The following SLC39A14 variants were observed in gnomAD, a reference collection of about 807,000 sequenced individuals.
SLC39A14 encodes solute carrier family 39 member 14, also known as metal cation symporter ZIP14.
A neutral mutation model predicts 45.5 loss-of-function variants in SLC39A14; 19 were observed. That is an observed-to-expected ratio of 0.42 (90% CI 0.29 to 0.61). The LOEUF (loss-of-function observed/expected upper bound fraction) is 0.61, where lower values mean the gene tolerates loss of function less well. SLC39A14 is among the 20% of genes least tolerant of loss of function. SLC39A14 has a pLI of 0.22. For missense variants in SLC39A14, 447 were observed against 616.5 expected (o/e 0.73, Z 2.91); for synonymous variants, 264 against 251.3 (o/e 1.05, Z -0.48).
At chr8:22,419,492 C>T in intron 8 of SLC39A14, 60 bp from the exon 9 acceptor site, 1 of 1,519,666 alleles carries the variant, frequency 6.6e-7, no homozygotes, top group Non-Finnish European at 9.0e-7. Context: ...CACTGAATTG[C>T]CCTGGACTTA....
intron 5 of SLC39A14, 117 bp downstream of exon 5, chr8:22,415,019 A>G: frequency 8.0e-7 from 1 of 1,249,710 alleles, no homozygotes; most frequent in Non-Finnish European, 1.1e-6. Flanking sequence ...AATTTCCGTG[A>G]AACTCTAATT....
At chr8:22,380,464 G>T (rs1833445706) in intron 1 of SLC39A14, among the ~76,000 whole-genome samples, 1 of 152,168 alleles carries the variant, frequency 6.6e-6, no homozygotes, top group Non-Finnish European at 1.5e-5. Flanking sequence ...GCCCGAGGTG[G>T]CCTGGACCTC....
At chr8:22,392,033 A>T (rs1360321568) in intron 1 of SLC39A14, among the ~76,000 whole-genome samples, 1 of 152,212 alleles carries the variant, frequency 6.6e-6, no homozygotes, top group African/African-American at 2.4e-5. Flanking sequence ...GGAGGGAAGG[A>T]TGCATTTCAG....
chr8:22,433,912 C>T lies in SLC39A14; in HGVS notation c.1354C>T (p.Gln452Ter), dbSNP rs1018600782. The T allele has an allele frequency of 4.9e-6, 2 of 406,726 alleles. No individual in the cohort carries two copies. The highest frequency in any genetic ancestry group is 4.9e-6 in the Non-Finnish European group (1 of 205,878). The allele number at this position is 406,726 out of a possible 1,614,324, so 25.2% of individuals were successfully genotyped here. ...TTAGATGGAGTTTTGCTCTGTTGCCCAGGCTGGAGTGCAATGGTGCCATCT... is the reference window on the plus strand; with the variant it reads ...TTAGATGGAGTTTTGCTCTGTTGCCTAGGCTGGAGTGCAATGGTGCCATCT... The change falls in exon 9 of 9, where the codon CAG becomes TAG. Residue 452 changes from glutamine (Q) to a stop codon, truncating the protein, a stop_gained. Coordinates refer to the SLC39A14 transcript ENST00000240095. LOFTEE classifies it high-confidence loss of function.
chr8:22,412,526 C>T (rs1277550863), intron 4 of SLC39A14, among the ~76,000 whole-genome samples: 1 of 152,198 alleles, frequency 6.6e-6, no homozygotes, highest in African/African-American at 2.4e-5. Context: ...AGCGAGTCTG[C>T]TGCAGCACTG....
Position 22,421,096 on chromosome 8 carries a change from T to G in SLC39A14, c.*1398T>G, listed in dbSNP as rs1431803157. On this transcript the variant is annotated 3_prime_UTR_variant, in exon 9 of 9. Transcript: ENST00000381237. Reference sequence around the variant, plus strand: ...TGATTTATTATTATCATATTGATAATGTGAGATTCTTTAGCCACTTTGGGG... The same window carrying G: ...TGATTTATTATTATCATATTGATAAGGTGAGATTCTTTAGCCACTTTGGGG... 2 of 985,748 alleles carry G rather than the reference T, an allele frequency of 2.0e-6. No individual in the cohort carries two copies. The highest frequency in any genetic ancestry group is 3.5e-5 in the African/African-American group (2 of 57,244). The allele number at this position is 985,748 out of a possible 1,614,324, so 61.1% of individuals were successfully genotyped here. A position where few individuals can be genotyped will look rare whatever the true frequency, so the allele number is the denominator to read the frequency against.
chr8:22,422,196 A>G lies in SLC39A14; in HGVS notation c.*2498A>G. On this transcript the variant is annotated 3_prime_UTR_variant, in exon 9 of 9. Transcript: ENST00000381237. ...TAGCAGCTTCGACCTCATTTTCCAG[A>G]TGCACCAGCTCCTATTAATAAGTTA... 1 of 985,452 alleles carries G rather than the reference A, an allele frequency of 1.0e-6. No homozygotes were observed. The highest frequency in any genetic ancestry group is 1.2e-6 in the Non-Finnish European group (1 of 829,946). 61.0% of individuals were successfully genotyped at this position (985,452 alleles called of 1,614,324 possible). A position where few individuals can be genotyped will look rare whatever the true frequency, so the allele number is the denominator to read the frequency against.
chr8:22,387,084 G>A (rs892212951), intron 1 of SLC39A14, among the ~76,000 whole-genome samples: 2 of 151,694 alleles, frequency 1.3e-5, no homozygotes, highest in African/African-American at 4.8e-5. Context: ...GAGGTGGGAG[G>A]ATCGCTTGGG....
chr8:22,373,769 T>G (rs922147116), intron 1 of SLC39A14, among the ~76,000 whole-genome samples: 5 of 151,510 alleles, frequency 3.3e-5, no homozygotes, highest in South Asian at 2.1e-4. Context: ...TTTCTCGTTT[T>G]TTTTTTTTTT....
At chr8:22,423,176 C>T (rs1001530334), downstream of SLC39A14, among the ~76,000 whole-genome samples, 3 of 150,560 alleles carry the variant, frequency 2.0e-5, no homozygotes, top group Non-Finnish European at 4.4e-5. Flanking sequence ...GACAGTCTCA[C>T]TCTGTCACCC....
intron 2 of SLC39A14, among the ~76,000 whole-genome samples, chr8:22,407,725 GAGAC>G (rs1278986982): frequency 2.1e-5 from 3 of 144,040 alleles, no homozygotes; most frequent in African/African-American, 7.9e-5. Context: ...TTTTTTTTAA[GAGAC>G]AGGGTGTTGC....
chr8:22,410,073 T>C, intron 3 of SLC39A14: 2 of 1,614,170 alleles, frequency 1.2e-6, no homozygotes, highest in Non-Finnish European at 8.5e-7. Context: ...CCCTGTCCAT[T>C]GGAACGCTGC....
At chr8:22,404,510 C>G in intron 1 of SLC39A14, 186 bp from the exon 2 acceptor site, 4 of 321,252 alleles carry the variant, frequency 1.2e-5, no homozygotes, top group Non-Finnish European at 1.1e-5. Flanking sequence ...TTGAATTTGT[C>G]CTTTTTATTC....
rs1260071941 is a variant in SLC39A14 at position 22,422,246 on chromosome 8, AG to A, written c.*2550del. On this transcript the variant is annotated 3_prime_UTR_variant, in exon 9 of 9. Transcript: ENST00000381237. ...AGCAAGGAAAGTGTATGTCACGTGCAGGAACAGTGAGGCAGGGACAGGGGTT... is the reference window on the plus strand; with the variant it reads ...AGCAAGGAAAGTGTATGTCACGTGCAGAACAGTGAGGCAGGGACAGGGGTT... The A allele has an allele frequency of 3.0e-6, 3 of 985,460 alleles. No homozygotes were observed. The highest frequency in any genetic ancestry group is 1.7e-5 in the African/African-American group (1 of 57,256). 61.0% of individuals were successfully genotyped at this position (985,460 alleles called of 1,614,324 possible).
At chr8:22,419,130 G>T (rs114240193) in intron 8 of SLC39A14, among the ~76,000 whole-genome samples, 1 of 152,152 alleles carries the variant, frequency 6.6e-6, no homozygotes, top group African/African-American at 2.4e-5. Context: ...TGAGTACTTT[G>T]TTTTACCTAG....
At chr8:22,418,075 G>A (rs146789833) in intron 8 of SLC39A14, among the ~76,000 whole-genome samples, 524 of 152,150 alleles carry the variant, frequency 3.4e-3, no homozygotes, top group African/African-American at 0.012. Flanking sequence ...GCTAATTTTT[G>A]TATTTTTAGT....
At chr8:22,414,721 G>C in intron 4 of SLC39A14, 59 bp from the exon 5 acceptor site, 1 of 1,546,216 alleles carries the variant, frequency 6.5e-7, no homozygotes. Flanking sequence ...AGATAAGAGG[G>C]GGATCAGTAA....
downstream of SLC39A14, among the ~76,000 whole-genome samples, chr8:22,423,212 C>T (rs115170337): frequency 0.013 from 1,982 of 152,220 alleles, 39 homozygotes; most frequent in African/African-American, 0.045. Context: ...GGCACGATCT[C>T]GGTTCACTGC....
chr8:22,388,688 T>G (rs1449591396), intron 1 of SLC39A14, among the ~76,000 whole-genome samples: 1 of 152,084 alleles, frequency 6.6e-6, no homozygotes, highest in Non-Finnish European at 1.5e-5. Context: ...GGGTTCGTGG[T>G]GAGCCCCACA....
Sources: gnomAD v4.1 joint callset for allele counts (sites outside exome capture counted in the v4.1 genomes callset) on GRCh38, gnomAD v4.1.1 for gene constraint, MANE v1.5 for transcripts, NCBI Gene and HGNC (gene_info 2026-07-23, HGNC 2026-07-21) for gene names.